The following TMEM45A variants were observed in gnomAD, a reference collection of about 807,000 sequenced individuals.
TMEM45A encodes the protein transmembrane protein 45A.
In TMEM45A, 25 loss-of-function variants were observed where a neutral mutation model predicts 32.0. The observed-to-expected ratio is 0.78, with a 90% confidence interval of 0.57 to 1.09. The LOEUF is 1.09. Ranked by LOEUF, TMEM45A falls within the 50% of genes least tolerant of loss-of-function variation. The pLI, the probability that TMEM45A is intolerant of heterozygous loss-of-function variation, is 0.00. For missense variants in TMEM45A, 302 were observed against 325.0 expected (o/e 0.93, Z 0.54); for synonymous variants, 122 against 114.8 (o/e 1.06, Z -0.40).
At chr3:100,557,668 A>G (rs1706250457) in intron 3 of TMEM45A, among the ~76,000 whole-genome samples, 1 of 152,218 alleles carries the variant, frequency 6.6e-6, no homozygotes, top group Non-Finnish European at 1.5e-5. Context: ...TCTGGCATCC[A>G]AAGATGAGAA....
chr3:100,510,471 A>C (rs1708141928), intron 1 of TMEM45A, among the ~76,000 whole-genome samples: 1 of 152,224 alleles, frequency 6.6e-6, no homozygotes, highest in Non-Finnish European at 1.5e-5. Context: ...CCATCTGTAC[A>C]TCACCATCAT....
At chr3:100,553,211 C>G (rs1171581588) in intron 1 of TMEM45A, among the ~76,000 whole-genome samples, 1 of 152,184 alleles carries the variant, frequency 6.6e-6, no homozygotes, top group Non-Finnish European at 1.5e-5. Context: ...GGTTAAGTAA[C>G]TTGCCCAAAG....
chr3:100,516,867 G>C (rs1287782064), intron 1 of TMEM45A, among the ~76,000 whole-genome samples: 1 of 152,028 alleles, frequency 6.6e-6, no homozygotes, highest in African/African-American at 2.4e-5. Context: ...ACTGAGAGGA[G>C]ATTTTTTACT....
At position 100,538,714 on chromosome 3, in the gene TMEM45A, G is replaced by A. The variant is rs930090468; in HGVS notation, c.-3-16495G>A. 3.9e-5 allele frequency among the ~76,000 whole-genome samples: 6 copies of A among 152,000 alleles called. 1 individual carries two copies. Among genetic ancestry groups the A allele is most frequent in the Admixed American group, 2.0e-4 (3 of 15,252 alleles). On this transcript the variant is annotated intron_variant, in intron 1 of 5. Transcript: ENST00000323523. ...CCTTCCTGGAACTAAGTGATTTTTA[G>A]CAATGTTTTAGGTGACAAGATTAAT...
chr3:100,511,885 A>G (rs1358582458), intron 1 of TMEM45A, among the ~76,000 whole-genome samples: 2 of 152,128 alleles, frequency 1.3e-5, no homozygotes, highest in Admixed American at 1.3e-4. Context: ...GAAGGCCATT[A>G]CATAATGGTA....
At chr3:100,535,859 A>C (rs970960412) in intron 1 of TMEM45A, among the ~76,000 whole-genome samples, 2 of 152,222 alleles carry the variant, frequency 1.3e-5, no homozygotes, top group African/African-American at 2.4e-5. Flanking sequence ...TTTTGAAAAA[A>C]GTGAACATGA....
chr3:100,494,299 G>A (rs1410870122), intron 1 of TMEM45A, among the ~76,000 whole-genome samples: 1 of 152,194 alleles, frequency 6.6e-6, no homozygotes, highest in Non-Finnish European at 1.5e-5. Flanking sequence ...TTCCGGCTCA[G>A]AAAGCAGTAG....
At chr3:100,571,679 A>G (rs1329780934) in intron 5 of TMEM45A, 1 of 152,144 alleles carries the variant, frequency 6.6e-6, no homozygotes, top group African/African-American at 2.4e-5. Flanking sequence ...TACATGTGCC[A>G]TGTTGGTGTG....
chr3:100,512,178 T>C (rs904955218), intron 1 of TMEM45A, among the ~76,000 whole-genome samples: 35 of 152,324 alleles, frequency 2.3e-4, no homozygotes, highest in Admixed American at 7.2e-4. Context: ...TACATTTTTT[T>C]CAGCACCACA....
chr3:100,575,363 CTTTTTTTTT>C (rs59739893), intron 5 of TMEM45A, among the ~76,000 whole-genome samples: 11 of 62,706 alleles, frequency 1.8e-4, no homozygotes, highest in East Asian at 6.9e-4. Context: ...TATGGATTCT[CTTTTTTTTT>C]TTTTTTTTTT....
chr3:100,525,849 T>C (rs1197710248), intron 1 of TMEM45A, among the ~76,000 whole-genome samples: 1 of 152,170 alleles, frequency 6.6e-6, no homozygotes, highest in Non-Finnish European at 1.5e-5. Flanking sequence ...ATGCGACAAG[T>C]AGTACTGGCT....
intron 1 of TMEM45A, among the ~76,000 whole-genome samples, chr3:100,521,576 C>T (rs950955766): frequency 6.6e-6 from 1 of 152,170 alleles, no homozygotes; most frequent in Admixed American, 6.5e-5. Context: ...TGATATGGAT[C>T]TCAGAGGTGG....
chr3:100,550,388 A>G (rs1303859675), intron 1 of TMEM45A, among the ~76,000 whole-genome samples: 1 of 152,108 alleles, frequency 6.6e-6, no homozygotes, highest in African/African-American at 2.4e-5. Flanking sequence ...TCCACATAGT[A>G]TGTGGATACA....
In TMEM45A at chr3:100,506,673, A is replaced by G. The variant is rs567549998; in HGVS notation, c.-4+13745A>G. 7.6e-4 allele frequency among the ~76,000 whole-genome samples: 115 copies of G among 152,300 alleles called. 4 individuals are homozygous for G. The highest frequency in any genetic ancestry group is 4.0e-4 in the Non-Finnish European group (27 of 68,030). On this transcript the variant is annotated intron_variant, in intron 1 of 5. Transcript: ENST00000323523. ...TGTGTTTGACACCTTCAACCTTGCC[A>G]TTGCATTATGGTAAGGTAGATTCAG... is the stretch of plus-strand genomic sequence containing the variant.
At chr3:100,563,024 A>T (rs1706366148) in intron 4 of TMEM45A, among the ~76,000 whole-genome samples, 1 of 152,202 alleles carries the variant, frequency 6.6e-6, no homozygotes, top group South Asian at 2.1e-4. Flanking sequence ...GACTTACAAG[A>T]GAAATTTATT....
In TMEM45A at chr3:100,492,764, C is replaced by CCG. The variant is rs1553677021; in HGVS notation, c.-168_-167insCG. On this transcript the variant is annotated 5_prime_UTR_variant, in exon 1 of 6. Transcript: ENST00000323523. ...ACCCAAGTTTAAAAATTCCTCCCCC[C>CCG]ACCCAATGCGAGACGTGGCCAGATC... 6.7e-6 allele frequency: 1 copy of CCG among 148,320 alleles called. No individual in the cohort carries two copies. Among genetic ancestry groups the CCG allele is most frequent in the Non-Finnish European group, 1.5e-5 (1 of 66,836 alleles). 9.2% of individuals were successfully genotyped at this position (148,320 alleles called of 1,614,324 possible). A position where few individuals can be genotyped will look rare whatever the true frequency, so the allele number is the denominator to read the frequency against.
chr3:100,560,763 A>G (rs1420650263), intron 4 of TMEM45A, among the ~76,000 whole-genome samples: 2 of 152,232 alleles, frequency 1.3e-5, no homozygotes, highest in Non-Finnish European at 2.9e-5. Flanking sequence ...AAACCCCAAG[A>G]GAGCGGAATT....
chr3:100,526,635 A>T (rs1375179801), intron 1 of TMEM45A, among the ~76,000 whole-genome samples: 1 of 152,222 alleles, frequency 6.6e-6, no homozygotes, highest in Non-Finnish European at 1.5e-5. Flanking sequence ...AGTACTGCAG[A>T]TAGACTTAAG....
At chr3:100,500,829 A>G (rs1438811475) in intron 1 of TMEM45A, among the ~76,000 whole-genome samples, 1 of 152,260 alleles carries the variant, frequency 6.6e-6, no homozygotes, top group African/African-American at 2.4e-5. Context: ...GGTGCTTTCC[A>G]CAGCAAGGAA....
Sources: allele counts gnomAD v4.1 joint callset (sites outside exome capture counted in the v4.1 genomes callset), GRCh38; gene constraint gnomAD v4.1.1; transcripts MANE v1.5; gene names NCBI Gene and HGNC (gene_info 2026-07-23, HGNC 2026-07-21).